Variants in TRDN observed in about 807,000 individuals in gnomAD.
TRDN encodes triadin.
A neutral mutation model predicts 149.7 loss-of-function variants in TRDN; 161 were observed. The ratio of observed to expected loss-of-function variants is 1.08; its 90% CI spans 0.95 to 1.23. The LOEUF is 1.23. Ranked by LOEUF, TRDN falls within the 50% of genes most tolerant of loss-of-function variation. The pLI is 0.00. For synonymous variants in TRDN, 294 were observed against 250.5 expected (o/e 1.17, Z -1.64); for missense variants, 896 against 823.5 (o/e 1.09, Z -1.08).
rs115009102 is a variant in TRDN at position 123,442,875 on chromosome 6, G to A, written c.932-3872C>T. 5.2e-3 allele frequency among the ~76,000 whole-genome samples: 788 copies of A among 152,196 alleles called. 10 individuals are homozygous for A. The highest frequency in any genetic ancestry group is 0.018 in the African/African-American group (747 of 41,534). ...AAGCAAGACAGAAACATGTTATGAAGGGTACTGTACTGCAATGAAGTGGAT... is the reference window on the plus strand; with the variant it reads ...AAGCAAGACAGAAACATGTTATGAAAGGTACTGTACTGCAATGAAGTGGAT... On this transcript the variant is annotated intron_variant, in intron 10 of 40. Coordinates refer to ENST00000334268, the MANE Select transcript of TRDN (RefSeq NM_006073.4).
At chr6:123,598,587 C>A (rs1426425089) in intron 1 of TRDN, among the ~76,000 whole-genome samples, 1 of 151,990 alleles carries the variant, frequency 6.6e-6, no homozygotes, top group South Asian at 2.1e-4. Flanking sequence ...ATAAATTCAC[C>A]TGATTGTCTA....
intron 23 of TRDN, among the ~76,000 whole-genome samples, chr6:123,323,495 T>C (rs1323195408): frequency 6.6e-6 from 1 of 152,090 alleles, no homozygotes; most frequent in Admixed American, 6.6e-5. Flanking sequence ...CAAAAACAAT[T>C]ATGGTTGATA....
At chr6:123,359,491 A>G (rs1441389297) in intron 20 of TRDN, among the ~76,000 whole-genome samples, 5 of 139,480 alleles carry the variant, frequency 3.6e-5, no homozygotes, top group Non-Finnish European at 8.1e-5. Flanking sequence ...TACTAGATGA[A>G]TATTAGTGGA....
At chr6:123,494,698 G>A (rs1452865422) in intron 9 of TRDN, among the ~76,000 whole-genome samples, 2 of 152,100 alleles carry the variant, frequency 1.3e-5, no homozygotes, top group Admixed American at 1.3e-4. Context: ...AACCAACACA[G>A]GTGAACAAAT....
chr6:123,431,908 T>C (rs1259053693), intron 12 of TRDN, among the ~76,000 whole-genome samples: 2 of 152,186 alleles, frequency 1.3e-5, no homozygotes, highest in African/African-American at 4.8e-5. Flanking sequence ...TAAGCTTCTG[T>C]AAAGGACTCT....
chr6:123,504,009 T>A, intron 7 of TRDN, 108 bp from the exon 8 acceptor site: 1 of 1,239,404 alleles, frequency 8.1e-7, no homozygotes, highest in Non-Finnish European at 1.1e-6. Flanking sequence ...GGAAGAAAGG[T>A]AAGTCACAAG....
At chr6:123,330,109 G>C (rs558704386) in intron 23 of TRDN, among the ~76,000 whole-genome samples, 1 of 152,042 alleles carries the variant, frequency 6.6e-6, no homozygotes, top group East Asian at 1.9e-4. Flanking sequence ...TATATTTCCA[G>C]ACATCAGAGA....
chr6:123,331,242 A>G (rs1338666971), intron 23 of TRDN, among the ~76,000 whole-genome samples: 3 of 152,090 alleles, frequency 2.0e-5, no homozygotes, highest in Admixed American at 1.3e-4. Flanking sequence ...GATGTATGGC[A>G]TATCAGAATC....
intron 4 of TRDN, among the ~76,000 whole-genome samples, chr6:123,536,927 A>C (rs1206960949): frequency 6.6e-6 from 1 of 151,826 alleles, no homozygotes; most frequent in Non-Finnish European, 1.5e-5. Context: ...AAACAACTGC[A>C]ACAATTGAAA....
chr6:123,333,000 T>C (rs935941877), intron 22 of TRDN, among the ~76,000 whole-genome samples: 3 of 152,062 alleles, frequency 2.0e-5, no homozygotes, highest in African/African-American at 7.2e-5. Context: ...GACAAATAAA[T>C]GCCCATGTTG....
chr6:123,364,477 A>C (rs1366555724), intron 20 of TRDN, among the ~76,000 whole-genome samples: 1 of 152,116 alleles, frequency 6.6e-6, no homozygotes, highest in Non-Finnish European at 1.5e-5. Context: ...TCTGTACTAA[A>C]AATACAAAAA....
intron 5 of TRDN, among the ~76,000 whole-genome samples, chr6:123,525,384 T>C (rs963679488): frequency 3.9e-5 from 6 of 152,060 alleles, no homozygotes; most frequent in African/African-American, 1.4e-4. Context: ...TAAAAAAGAA[T>C]GGAATTATGT....
intron 2 of TRDN, among the ~76,000 whole-genome samples, chr6:123,558,449 AG>A (rs1381514913): frequency 6.6e-6 from 1 of 152,124 alleles, no homozygotes; most frequent in Non-Finnish European, 1.5e-5. Flanking sequence ...CCTCTTAAAA[AG>A]GTGGCTGGAG....
chr6:123,360,127 A>C (rs1356343813), intron 20 of TRDN, among the ~76,000 whole-genome samples: 6 of 152,130 alleles, frequency 3.9e-5, no homozygotes, highest in Non-Finnish European at 8.8e-5. Context: ...CCTATCACCT[A>C]GGTATTAAGC....
intron 33 of TRDN, among the ~76,000 whole-genome samples, chr6:123,262,644 G>A (rs1776812709): frequency 6.6e-6 from 1 of 152,044 alleles, no homozygotes; most frequent in East Asian, 1.9e-4. Context: ...ACAGTTTGTA[G>A]CAACCCTGTA....
At chr6:123,486,107 A>C (rs1264632503) in intron 9 of TRDN, among the ~76,000 whole-genome samples, 1 of 152,154 alleles carries the variant, frequency 6.6e-6, no homozygotes, top group Non-Finnish European at 1.5e-5. Flanking sequence ...ATACAAGTGC[A>C]GTTCCAACAG....
intron 21 of TRDN, among the ~76,000 whole-genome samples, chr6:123,347,230 A>G (rs1437763225): frequency 6.6e-6 from 1 of 152,128 alleles, no homozygotes; most frequent in East Asian, 1.9e-4. Flanking sequence ...TTTTGCTAAG[A>G]GAATATAGTA....
chr6:123,375,452 G>A (rs1363764705), intron 19 of TRDN, among the ~76,000 whole-genome samples, 153 bp downstream of exon 19: 2 of 152,086 alleles, frequency 1.3e-5, no homozygotes, highest in Non-Finnish European at 2.9e-5. Context: ...AAAAGACAGG[G>A]ATAAGTAATA....
chr6:123,495,367 A>G (rs1460015648), intron 9 of TRDN, among the ~76,000 whole-genome samples: 2 of 151,860 alleles, frequency 1.3e-5, no homozygotes, highest in Middle Eastern at 3.2e-3. Flanking sequence ...AAAAATACAA[A>G]AATTAGCCGA....
Sources: allele counts gnomAD v4.1 joint callset (sites outside exome capture counted in the v4.1 genomes callset), GRCh38; gene constraint gnomAD v4.1.1; transcripts MANE v1.5; gene names NCBI Gene and HGNC (gene_info 2026-07-23, HGNC 2026-07-21).